Variants in RICTOR observed in about 807,000 individuals in gnomAD.
RICTOR encodes rapamycin-insensitive companion of mTOR.
A neutral mutation model predicts 214.9 loss-of-function variants in RICTOR; 49 were observed. The ratio of observed to expected loss-of-function variants is 0.23; its 90% CI spans 0.18 to 0.29. The LOEUF is 0.29. Among genes scored for constraint, RICTOR ranks in the 10% least tolerant of loss-of-function variants. The pLI, the probability that RICTOR is intolerant of heterozygous loss-of-function variation, is 1.00. For synonymous variants in RICTOR, 717 were observed against 711.3 expected (o/e 1.01, Z -0.13); for missense variants, 1,625 against 2,047.0 (o/e 0.79, Z 3.98).
intron 10 of RICTOR, among the ~76,000 whole-genome samples, chr5:38,974,060 T>C (rs544506576): frequency 6.6e-6 from 1 of 150,684 alleles, no homozygotes; most frequent in Admixed American, 6.6e-5. Flanking sequence ...GTTTCTTTCT[T>C]TTTTTTTGAG....
chr5:39,072,002 C>A (rs557352853), intron 2 of RICTOR, among the ~76,000 whole-genome samples: 1 of 152,250 alleles, frequency 6.6e-6, no homozygotes, highest in East Asian at 1.9e-4. Flanking sequence ...CTTCTTTGAA[C>A]AATGAAATGT....
chr5:39,061,114 G>C (rs1193940591), intron 2 of RICTOR, among the ~76,000 whole-genome samples: 1 of 152,050 alleles, frequency 6.6e-6, no homozygotes, highest in Admixed American at 6.6e-5. Context: ...TTACCAATTA[G>C]AACAATGCTG....
intron 2 of RICTOR, among the ~76,000 whole-genome samples, chr5:39,021,791 T>TAA (rs1755443290): frequency 1.3e-5 from 2 of 152,200 alleles, no homozygotes; most frequent in Non-Finnish European, 2.9e-5. Flanking sequence ...GATACTGTGT[T>TAA]ACAGCAGCAT....
chr5:38,995,100 C>T (rs1045365746), intron 6 of RICTOR, among the ~76,000 whole-genome samples: 2 of 152,040 alleles, frequency 1.3e-5, no homozygotes, highest in African/African-American at 4.8e-5. Context: ...AAGAGAGTTG[C>T]AAAACTCTAA....
intron 12 of RICTOR, 25 bp downstream of exon 12, chr5:38,967,918 G>C (rs1453065971): frequency 8.5e-7 from 1 of 1,169,958 alleles, no homozygotes; most frequent in African/African-American, 1.5e-5. Flanking sequence ...TATATGAAAA[G>C]ATACAAATGT....
intron 3 of RICTOR, among the ~76,000 whole-genome samples, chr5:39,009,757 A>G (rs1041977774): frequency 1.3e-5 from 2 of 152,186 alleles, no homozygotes; most frequent in African/African-American, 4.8e-5. Context: ...AAATTCACAT[A>G]TATATTGGGA....
rs776686575 is a variant in RICTOR, at chr5:38,991,045, T to C, written c.487A>G (p.Ser163Gly). The change falls in exon 7 of 38, where the codon AGT (serine) becomes GGT (glycine). Residue 163 changes from serine (S) to glycine (G), a missense_variant. Physicochemically the swap from Ser to Gly is moderately conservative, Grantham distance 56. Around this residue, in one of 5 missense-constraint regions of RICTOR, gnomAD observed 258 missense variants for 393.7 expected, o/e 0.66. Coordinates refer to ENST00000357387, the MANE Select transcript of RICTOR (RefSeq NM_152756.5). ...MITVNASLFP[S>G]SVTNSLIAVG... ...GCAATTAATGAGTTGGTCACAGAAC[T>C]AGGAAACAAGGAAGCATTCACAGTA... 3 of 1,597,920 alleles carry C rather than the reference T, an allele frequency of 1.9e-6. No individual in the cohort carries two copies. Among genetic ancestry groups the C allele is most frequent in the South Asian group, 2.2e-5 (2 of 89,442 alleles).
Position 39,007,026 on chromosome 5 carries a change from A to C in RICTOR, c.196-3404T>G, listed in dbSNP as rs183777316. ...TACATACATATTTAAAATAACATAA[A>C]ATTTTCTAAGTTTTGAGATAAAACT... On this transcript the variant is annotated intron_variant, in intron 3 of 37. Coordinates refer to ENST00000357387, the MANE Select transcript of RICTOR (RefSeq NM_152756.5). Among the ~76,000 whole-genome samples the C allele has an allele frequency of 8.3e-4, 127 of 152,280 alleles. 3 individuals carry two copies. The highest frequency in any genetic ancestry group is 6.0e-3 in the Admixed American group (92 of 15,302).
chr5:38,959,212 A>G lies in RICTOR; in HGVS notation c.2161T>C (p.Leu721=). 2 of 1,594,916 alleles carry G rather than the reference A, an allele frequency of 1.3e-6. No individual in the cohort carries two copies. Among genetic ancestry groups the G allele is most frequent in the Non-Finnish European group, 1.7e-6 (2 of 1,171,094 alleles). The change falls in exon 22 of 38, where the codon TTA becomes CTA. Residue 721 remains leucine, a synonymous_variant. Transcript: ENST00000357387. ...ATACTCACATCAGTAGCTGCAGTTA[A>G]AATTTTGGAAAGGATGACTCTAGCC... ...GLARVILSKI[L]TAATDACRLY...
chr5:38,948,458 T>C (rs910929350), intron 31 of RICTOR, among the ~76,000 whole-genome samples: 1 of 152,108 alleles, frequency 6.6e-6, no homozygotes, highest in Admixed American at 6.6e-5. Context: ...ATTATTGGAT[T>C]ATTCCCCTTC....
At chr5:39,034,513 G>A (rs182703790) in intron 2 of RICTOR, among the ~76,000 whole-genome samples, 39 of 152,364 alleles carry the variant, frequency 2.6e-4, no homozygotes, top group South Asian at 4.1e-4. Context: ...AAAGCAGGGC[G>A]AGGCATCTCC....
intron 2 of RICTOR, among the ~76,000 whole-genome samples, chr5:39,044,286 C>A (rs546477467): frequency 1.3e-5 from 2 of 151,584 alleles, no homozygotes; most frequent in Non-Finnish European, 2.9e-5. Context: ...AAAGCAAGAA[C>A]GAAAAAAAAT....
At position 38,950,545 on chromosome 5, in the gene RICTOR, C is replaced by A. The variant is rs199536669; in HGVS notation, c.3303G>T (p.Ser1101=). 4.7e-5 allele frequency: 75 copies of A among 1,612,864 alleles called. No homozygotes were observed. The highest frequency in any genetic ancestry group is 6.0e-5 in the Non-Finnish European group (71 of 1,179,468). Residue 1101 remains serine, a synonymous_variant, in exon 31 of 38, where the codon TCG becomes TCT. Transcript: ENST00000357387. ...GATGTTTTTTGTTAGGCAAAGTAAGCGAATTTAAGATACGATTCTTCACAA... is the reference window on the plus strand; with the variant it reads ...GATGTTTTTTGTTAGGCAAAGTAAGAGAATTTAAGATACGATTCTTCACAA... ...SKLVKNRILN[S]LTLPNKKHRS...
chr5:39,065,316 C>G (rs2150212504), intron 2 of RICTOR, among the ~76,000 whole-genome samples: 1 of 152,286 alleles, frequency 6.6e-6, no homozygotes, highest in South Asian at 2.1e-4. Flanking sequence ...AACCTACTAT[C>G]ACGAAGACAG....
chr5:38,962,811 A>C (rs1749903875), intron 17 of RICTOR, 65 bp downstream of exon 17: 1 of 1,376,692 alleles, frequency 7.3e-7, no homozygotes, highest in African/African-American at 1.4e-5. Context: ...ATGCATACTA[A>C]AATCCAGTGG....
At chr5:39,053,361 C>G (rs1046540918) in intron 2 of RICTOR, among the ~76,000 whole-genome samples, 1 of 152,146 alleles carries the variant, frequency 6.6e-6, no homozygotes, top group Admixed American at 6.5e-5. Flanking sequence ...TCCAGGAATA[C>G]TACTCTGAGG....
At chr5:39,037,014 A>G (rs1156953698) in intron 2 of RICTOR, among the ~76,000 whole-genome samples, 1 of 152,192 alleles carries the variant, frequency 6.6e-6, no homozygotes, top group Non-Finnish European at 1.5e-5. Flanking sequence ...CAGAATATAC[A>G]TTCTTTTCAG....
intron 3 of RICTOR, among the ~76,000 whole-genome samples, chr5:39,013,216 C>T (rs1754679466): frequency 6.6e-6 from 1 of 151,978 alleles, no homozygotes; most frequent in Admixed American, 6.6e-5. Flanking sequence ...ATCTTAAGTC[C>T]ACAATTATTT....
intron 2 of RICTOR, among the ~76,000 whole-genome samples, chr5:39,062,826 T>C (rs1240081144): frequency 6.6e-6 from 1 of 152,144 alleles, no homozygotes; most frequent in African/African-American, 2.4e-5. Context: ...AATAGAGCAA[T>C]AATTTCCTCA....
Sources: allele counts gnomAD v4.1 joint callset (sites outside exome capture counted in the v4.1 genomes callset), GRCh38; gene constraint gnomAD v4.1.1; regional missense constraint gnomAD v4.1.1; transcripts MANE v1.5; gene names NCBI Gene and HGNC (gene_info 2026-07-23, HGNC 2026-07-21).